Variants in SLC30A10 observed in about 807,000 individuals in gnomAD.
SLC30A10 encodes calcium/manganese antiporter SLC30A10.
In SLC30A10, 8 loss-of-function variants were observed where a neutral mutation model predicts 21.7. The observed-to-expected ratio is 0.37, with a 90% CI of 0.22 to 0.67. SLC30A10 has a LOEUF of 0.67. Among genes scored for constraint, SLC30A10 ranks in the 30% least tolerant of loss-of-function variants. SLC30A10 has a pLI of 0.58. For missense variants in SLC30A10, 521 were observed against 642.5 expected, an observed-to-expected ratio of 0.81 and a Z score of 2.04; for synonymous variants, 272 against 279.4, an observed-to-expected ratio of 0.97 and a Z score of 0.26.
rs1659505859 is a variant in SLC30A10, at chr1:219,915,319, C to A, written c.*130G>T. On this transcript the variant is annotated 3_prime_UTR_variant, in exon 4 of 4. Transcript: ENST00000366926. ...TTTAACTAAAATCCCAAACAGCCAA[C>A]CCCTAGTGAACACAGAGCATGCATG... The A allele has an allele frequency of 1.7e-6, 2 of 1,167,604 alleles. No individual in the cohort carries two copies. The highest frequency in any genetic ancestry group is 2.4e-6 in the Non-Finnish European group (2 of 818,534). The allele number at this position is 1,167,604 out of a possible 1,614,324, so 72.3% of individuals were successfully genotyped here.
In SLC30A10 at chr1:219,918,797, A is replaced by C; in HGVS notation, c.719-303T>G. 3.5e-6 allele frequency: 1 copy of C among 285,508 alleles called. No individual in the cohort carries two copies. The highest frequency in any genetic ancestry group is 5.0e-5 in the Admixed American group (1 of 20,052). The allele number at this position is 285,508 out of a possible 1,614,324, so 17.7% of individuals were successfully genotyped here. ...CATCGCTACCACTCACCACCCATCAAAGGGCACCAAGCTGGAAAACAGGGG... is the reference window on the plus strand; with the variant it reads ...CATCGCTACCACTCACCACCCATCACAGGGCACCAAGCTGGAAAACAGGGG... On this transcript the variant is annotated intron_variant, in intron 2 of 3. Transcript: ENST00000366926. This position sits in a 1 kb window ranked among gnomAD's most constrained non-coding sequence, Gnocchi z 4.4.
upstream of SLC30A10, among the ~76,000 whole-genome samples, chr1:219,931,289 C>T (rs116612629): frequency 4.7e-3 from 720 of 152,236 alleles, 7 homozygotes; most frequent in Non-Finnish European, 8.5e-3. Flanking sequence ...AACCATAAAG[C>T]CAGTGGCTGA....
At position 219,912,192 on chromosome 1, in the gene SLC30A10, A is replaced by AAG. The variant is rs1553311855; in HGVS notation, c.*3256_*3257insCT. 6.4e-5 allele frequency among the ~76,000 whole-genome samples: 9 copies of AAG among 141,668 alleles called. No individual in the cohort carries two copies. The highest frequency in any genetic ancestry group is 2.3e-4 in the African/African-American group (9 of 38,780). The allele number at this position is 141,668 out of a possible 152,430, so 92.9% of individuals were successfully genotyped here. On this transcript the variant is annotated 3_prime_UTR_variant, in exon 4 of 4. Coordinates refer to ENST00000366926, the MANE Select transcript of SLC30A10 (RefSeq NM_018713.3). ...TGGCAAAAAAAAAAAAAAAAAAAAAAAAAAGAACTAAATATGGAGAATATT... is the reference window on the plus strand; with the variant it reads ...TGGCAAAAAAAAAAAAAAAAAAAAAAAGAAAAGAACTAAATATGGAGAATATT...
At chr1:219,957,253 G>C (rs1258481446) in intron 1 of SLC30A10, among the ~76,000 whole-genome samples, 1 of 152,028 alleles carries the variant, frequency 6.6e-6, no homozygotes, top group Non-Finnish European at 1.5e-5. Context: ...ACATCCTACA[G>C]ATACTCTCAT....
At chr1:219,954,918 G>A (rs574375672) in intron 1 of SLC30A10, among the ~76,000 whole-genome samples, 1 of 152,214 alleles carries the variant, frequency 6.6e-6, no homozygotes, top group South Asian at 2.1e-4. Flanking sequence ...CCACTGTACA[G>A]CAAGGTTATT....
rs1776031 is a variant in SLC30A10, at chr1:219,912,600, C to T, written c.*2849G>A. Among the ~76,000 whole-genome samples the T allele has an allele frequency of 0.01, 1,525 of 152,156 alleles. 24 individuals carry two copies. The highest frequency in any genetic ancestry group is 0.033 in the African/African-American group (1,350 of 41,510). On this transcript the variant is annotated 3_prime_UTR_variant, in exon 4 of 4. Coordinates refer to ENST00000366926, the MANE Select transcript of SLC30A10 (RefSeq NM_018713.3). ...CTGTAATCCCAGCACTTTGGGAGGC[C>T]GAGGTGGGTGGATCACAAGGTCAGG...
Position 219,915,243 on chromosome 1 carries a change from G to T in SLC30A10, c.*206C>A. Reference sequence around the variant, plus strand: ...CTGAAACAGTCAAAGAGCAGCATGAGACACCCAGGGGAATGGAAAGGAGTT... The same window carrying T: ...CTGAAACAGTCAAAGAGCAGCATGATACACCCAGGGGAATGGAAAGGAGTT... On this transcript the variant is annotated 3_prime_UTR_variant, in exon 4 of 4. Coordinates refer to ENST00000366926, the MANE Select transcript of SLC30A10 (RefSeq NM_018713.3). 1 of 619,122 alleles carries T rather than the reference G, an allele frequency of 1.6e-6. No individual in the cohort carries two copies. Among genetic ancestry groups the T allele is most frequent in the Non-Finnish European group, 2.8e-6 (1 of 353,352 alleles). The allele number at this position is 619,122 out of a possible 1,614,324, so 38.4% of individuals were successfully genotyped here. A position where few individuals can be genotyped will look rare whatever the true frequency, so the allele number is the denominator to read the frequency against.
At chr1:219,951,024 C>A (rs1660261125) in intron 1 of SLC30A10, among the ~76,000 whole-genome samples, 1 of 152,192 alleles carries the variant, frequency 6.6e-6, no homozygotes, top group South Asian at 2.1e-4. Flanking sequence ...TGGCTCACTG[C>A]AGCCTTGATA....
At chr1:219,946,979 G>A (rs1262909911) in intron 1 of SLC30A10, among the ~76,000 whole-genome samples, 1 of 152,158 alleles carries the variant, frequency 6.6e-6, no homozygotes, top group African/African-American at 2.4e-5. Context: ...TGTGGAGCTA[G>A]TTGCTAGTTC....
intron 2 of SLC30A10, among the ~76,000 whole-genome samples, chr1:219,926,361 T>C (rs1413672947): frequency 2.0e-5 from 3 of 152,226 alleles, no homozygotes; most frequent in Non-Finnish European, 4.4e-5. Flanking sequence ...CCTTCTGGGA[T>C]CACTCTGAAG....
Position 219,912,704 on chromosome 1 carries a change from A to G in SLC30A10, c.*2745T>C, listed in dbSNP as rs1487698462. 6.9e-6 allele frequency among the ~76,000 whole-genome samples: 1 copy of G among 145,446 alleles called. No individual in the cohort carries two copies. The highest frequency in any genetic ancestry group is 1.5e-5 in the Non-Finnish European group (1 of 64,680). Reference sequence around the variant, plus strand: ...AAAAAATTAGCCGGGCATGGTGGCGAGCACCTGTAATCCCAGCTACTCGGG... The same window carrying G: ...AAAAAATTAGCCGGGCATGGTGGCGGGCACCTGTAATCCCAGCTACTCGGG... On this transcript the variant is annotated 3_prime_UTR_variant, in exon 4 of 4. Transcript: ENST00000366926.
upstream of SLC30A10, chr1:219,958,688 C>G (rs965933111): frequency 6.6e-6 from 1 of 152,638 alleles, no homozygotes; most frequent in Admixed American, 6.5e-5. Context: ...AGTATCGGCT[C>G]CTCTGTCTTC....
Position 219,928,094 on chromosome 1 carries a change from AC to A in SLC30A10, c.346del (p.Val116CysfsTer76), listed in dbSNP as rs1659890739. The A allele has an allele frequency of 6.3e-7, 1 of 1,583,858 alleles. No homozygotes were observed. The highest frequency in any genetic ancestry group is 8.6e-7 in the Non-Finnish European group (1 of 1,166,274). On this transcript the variant is annotated frameshift_variant, in exon 1 of 4. Transcript: ENST00000366926. LOFTEE classifies it high-confidence loss of function. The surrounding 1 kb of genome is among the most constrained non-coding windows in gnomAD (Gnocchi z 6.3). ...RPERIDDPELVLIVGVLGLLV... is the reference protein window; with the variant it reads ...RPERIDDPELXLIVGVLGLLV... ...CAGCCCCAGGACGCCGACGATGAGC[AC>A]CAGCTCGGGGTCATCGATGCGCTCG... is the stretch of plus-strand genomic sequence containing the variant.
intron 1 of SLC30A10, among the ~76,000 whole-genome samples, chr1:219,944,095 T>G (rs546024988): frequency 7.9e-6 from 1 of 126,860 alleles, no homozygotes; most frequent in East Asian, 2.5e-4. Flanking sequence ...GTGAGACTCA[T>G]CTCAAAAAAA....
Position 219,915,680 on chromosome 1 carries a change from A to C in SLC30A10, c.1227T>G (p.Cys409Trp). The stretch of plus-strand genomic sequence containing the variant: ...CGGGGGGACAACACAGCTGCTTAGC[A>C]CAGCCCTTGGAGATGCAGGGTGAGT... ...LCNSPCISKG[C>W]AKQLCCPPGA... is the part of the protein sequence containing the mutation. The change falls in exon 4 of 4, where the codon TGT (cysteine) becomes TGG (tryptophan). Residue 409 changes from cysteine (C) to tryptophan (W), a missense_variant. Coordinates refer to ENST00000366926, the MANE Select transcript of SLC30A10 (RefSeq NM_018713.3). 6.2e-7 allele frequency: 1 copy of C among 1,614,264 alleles called. No individual in the cohort carries two copies. Among genetic ancestry groups the C allele is most frequent in the Non-Finnish European group, 8.5e-7 (1 of 1,180,050 alleles).
intron 1 of SLC30A10, among the ~76,000 whole-genome samples, chr1:219,951,418 C>G (rs1338327737): frequency 1.3e-5 from 2 of 151,826 alleles, no homozygotes; most frequent in Non-Finnish European, 1.5e-5. Flanking sequence ...TATTTATTTA[C>G]TTTTAGAAAC....
At position 219,928,168 on chromosome 1, in the gene SLC30A10, C is replaced by T. The variant is rs768453360; in HGVS notation, c.273G>A (p.Ala91=). The change falls in exon 1 of 4, where the codon GCG becomes GCA. Residue 91 remains alanine (A), a synonymous_variant. Transcript: ENST00000366926. This position sits in a 1 kb window ranked among gnomAD's most constrained non-coding sequence, Gnocchi z 6.3. Reference sequence around the variant, plus strand: ...CCTCCACGAAGATGGTGAAGCAGAGCGCGGTGAGGAAGACCGCGTTGCTCA... The same window carrying T: ...CCTCCACGAAGATGGTGAAGCAGAGTGCGGTGAGGAAGACCGCGTTGCTCA... ...GALSNAVFLT[A]LCFTIFVEAV... 2.8e-5 allele frequency: 43 copies of T among 1,559,740 alleles called. No individual in the cohort carries two copies. The highest frequency in any genetic ancestry group is 3.6e-5 in the Non-Finnish European group (41 of 1,152,108).
chr1:219,946,914 G>A (rs905848920), intron 1 of SLC30A10, among the ~76,000 whole-genome samples: 1 of 152,164 alleles, frequency 6.6e-6, no homozygotes, highest in Non-Finnish European at 1.5e-5. Context: ...GAATGAAGTT[G>A]TTTATTGGCC....
intron 2 of SLC30A10, among the ~76,000 whole-genome samples, chr1:219,922,176 G>GTTTTTTTTTTTTTTTTTT (rs869249213): frequency 8.2e-5 from 3 of 36,450 alleles, no homozygotes; most frequent in Non-Finnish European, 1.0e-4. Context: ...GTGTGTGTGT[G>GTTTTTTTTTTTTTTTTTT]TTTTTTTTTT....
Sources: gnomAD v4.1 joint callset for allele counts (sites outside exome capture counted in the v4.1 genomes callset) on GRCh38, gnomAD v4.1.1 for gene constraint, Gnocchi (gnomAD v3.1) non-coding constraint, MANE v1.5 for transcripts, NCBI Gene and HGNC (gene_info 2026-07-23, HGNC 2026-07-21) for gene names.